STK3: variants seen among roughly 807,000 people sequenced by gnomAD.
STK3 encodes the protein serine/threonine kinase 3.
Under a neutral mutation model 58.0 loss-of-function variants are expected in STK3, and 41 were observed. That is an observed-to-expected ratio of 0.71 (90% CI 0.55 to 0.92). STK3 has a LOEUF of 0.92. Ranked by LOEUF, STK3 falls within the 40% of genes least tolerant of loss-of-function variation. The probability of loss-of-function intolerance (pLI) is 0.00; values close to 1 mark genes in which losing one functional copy is unlikely to be tolerated. For missense variants in STK3, 479 were observed against 602.7 expected (o/e 0.79, Z 2.15); for synonymous variants, 170 against 191.0 (o/e 0.89, Z 0.91).
upstream of STK3, among the ~76,000 whole-genome samples, chr8:98,829,756 C>G (rs1835458188): frequency 6.6e-6 from 1 of 152,134 alleles, no homozygotes; most frequent in Non-Finnish European, 1.5e-5. Context: ...AGGCACTGTT[C>G]TAGGTGCTGG....
chr8:98,741,045 C>T (rs1260361693), intron 4 of STK3, among the ~76,000 whole-genome samples: 1 of 152,152 alleles, frequency 6.6e-6, no homozygotes, highest in South Asian at 2.1e-4. Flanking sequence ...GAAGAGCTAA[C>T]TATCCTAAAC....
chr8:98,621,142 G>GT (rs2130388550), intron 6 of STK3, among the ~76,000 whole-genome samples: 1 of 152,122 alleles, frequency 6.6e-6, no homozygotes, highest in South Asian at 2.1e-4. Flanking sequence ...TGTATTCACC[G>GT]TTTTAGCCGG....
At chr8:98,506,334 C>T (rs538871821) in intron 10 of STK3, among the ~76,000 whole-genome samples, 19 of 152,310 alleles carry the variant, frequency 1.2e-4, no homozygotes, top group African/African-American at 4.3e-4. Flanking sequence ...AAAGGGAAAT[C>T]CCCTGACCCC....
chr8:98,547,978 T>G lies in STK3; in HGVS notation c.1132A>C (p.Thr378Pro), dbSNP rs778211075. 6.3e-7 allele frequency: 1 copy of G among 1,587,552 alleles called. No individual in the cohort carries two copies. Among genetic ancestry groups the G allele is most frequent in the Non-Finnish European group, 8.5e-7 (1 of 1,169,942 alleles). Residue 378 changes from threonine to proline, a missense_variant, in exon 9 of 11, where the codon ACT becomes CCT. Physicochemically the swap from Thr to Pro is conservative, Grantham distance 38. Coordinates refer to ENST00000419617, the MANE Select transcript of STK3 (RefSeq NM_006281.4). The stretch of plus-strand genomic sequence containing the variant: ...TAAAAAAGCCACATACTTTTCATAG[T>G]TCCATCTTCTTCTTCCTCATCCTCA... Reference protein sequence around the residue: ...NSEDEEEEDGTMKRNATSPQV... With the variant: ...NSEDEEEEDGPMKRNATSPQV...
intron 1 of STK3, among the ~76,000 whole-genome samples, chr8:98,386,277 T>C (rs1485111127): frequency 1.3e-5 from 2 of 152,182 alleles, no homozygotes; most frequent in East Asian, 3.8e-4. Context: ...AGACAATTAA[T>C]TGCAGCACTA....
intron 6 of STK3, among the ~76,000 whole-genome samples, chr8:98,674,540 A>T (rs1049816490): frequency 3.9e-5 from 6 of 152,112 alleles, no homozygotes; most frequent in Admixed American, 1.3e-4. Context: ...AAAAAGGTCA[A>T]AGTAAAAAAG....
At chr8:98,873,696 T>C (rs954680526) in intron 3 of STK3, among the ~76,000 whole-genome samples, 1 of 152,088 alleles carries the variant, frequency 6.6e-6, no homozygotes, top group Non-Finnish European at 1.5e-5. Flanking sequence ...ATTTGCTTGG[T>C]AGATCTTCCT....
At chr8:98,584,523 A>C (rs1048944697) in intron 7 of STK3, among the ~76,000 whole-genome samples, 13 of 151,822 alleles carry the variant, frequency 8.6e-5, no homozygotes, top group Admixed American at 4.6e-4. Flanking sequence ...GTTGGTTCCA[A>C]GTCTTTGCTA....
At chr8:98,814,442 A>G (rs1175653604) in intron 1 of STK3, among the ~76,000 whole-genome samples, 1 of 150,666 alleles carries the variant, frequency 6.6e-6, no homozygotes, top group Admixed American at 6.6e-5. Flanking sequence ...TCCTAGGCTC[A>G]AGCAATCCTC....
chr8:98,863,796 TAGCAAACTATATTTTCC>T (rs1293996575), intron 3 of STK3, among the ~76,000 whole-genome samples: 4 of 152,194 alleles, frequency 2.6e-5, no homozygotes, highest in Non-Finnish European at 5.9e-5. Context: ...TTGTTGTGGG[TAGCAAACTATATTTTCC>T]AGCCTTCCTT....
At chr8:98,831,544 G>A (rs577151167) in intron 3 of STK3, among the ~76,000 whole-genome samples, 2 of 152,232 alleles carry the variant, frequency 1.3e-5, no homozygotes, top group East Asian at 1.9e-4. Context: ...GGTATGAGCC[G>A]CCATGGCCAG....
intron 6 of STK3, among the ~76,000 whole-genome samples, chr8:98,652,270 A>T (rs113539474): frequency 6.6e-6 from 1 of 152,112 alleles, no homozygotes; most frequent in Non-Finnish European, 1.5e-5. Flanking sequence ...CCTTTACAGA[A>T]AAGCAAATGC....
intron 3 of STK3, among the ~76,000 whole-genome samples, chr8:98,870,421 G>A (rs1383006517): frequency 1.3e-5 from 2 of 152,196 alleles, no homozygotes; most frequent in Non-Finnish European, 2.9e-5. Context: ...TCGCCACACT[G>A]TCTTCCACAA....
chr8:98,823,292 T>C (rs1276077859), intron 1 of STK3, among the ~76,000 whole-genome samples: 2 of 152,036 alleles, frequency 1.3e-5, no homozygotes, highest in Admixed American at 6.6e-5. Context: ...GATAAGGCCA[T>C]GTAAAAGTCA....
intron 9 of STK3, among the ~76,000 whole-genome samples, chr8:98,530,259 C>T (rs1333485517): frequency 2.0e-5 from 3 of 152,010 alleles, no homozygotes; most frequent in Admixed American, 6.6e-5. Context: ...ATTTCATCAC[C>T]CACGTATTAA....
intron 2 of STK3, chr8:98,436,927 A>G (rs1274615945): frequency 6.6e-6 from 1 of 152,238 alleles, no homozygotes; most frequent in East Asian, 1.9e-4. Flanking sequence ...TATCTTGCAC[A>G]TCGGTCCTCT....
intron 4 of STK3, among the ~76,000 whole-genome samples, chr8:98,718,293 T>A (rs982806736): frequency 3.3e-5 from 5 of 151,942 alleles, no homozygotes; most frequent in Non-Finnish European, 7.4e-5. Flanking sequence ...CATATTTGAG[T>A]TGAATAAAGA....
chr8:98,850,965 G>A (rs1369909183), intron 3 of STK3, among the ~76,000 whole-genome samples: 2 of 152,168 alleles, frequency 1.3e-5, no homozygotes, highest in Non-Finnish European at 2.9e-5. Context: ...TGGCAGGTGT[G>A]TAACCTTCAC....
At chr8:98,787,945 G>GAA (rs1264342000) in intron 1 of STK3, among the ~76,000 whole-genome samples, 1 of 152,078 alleles carries the variant, frequency 6.6e-6, no homozygotes, top group African/African-American at 2.4e-5. Flanking sequence ...TCTAAATCTT[G>GAA]AAACAAAGCC....
Sources: allele counts gnomAD v4.1 joint callset (sites outside exome capture counted in the v4.1 genomes callset), GRCh38; gene constraint gnomAD v4.1.1; transcripts MANE v1.5; gene names NCBI Gene and HGNC (gene_info 2026-07-23, HGNC 2026-07-21).